Variants in USP25 observed in about 807,000 individuals in gnomAD.
USP25 encodes the protein ubiquitin carboxyl-terminal hydrolase 25.
A neutral mutation model predicts 158.5 loss-of-function variants in USP25; 85 were observed. The ratio of observed to expected loss-of-function variants is 0.54; its 90% CI spans 0.45 to 0.64. The LOEUF is 0.64. Ranked by LOEUF, USP25 falls within the 30% of genes least tolerant of loss-of-function variation. USP25 has a pLI of 0.00. For missense variants in USP25, 1,242 were observed against 1,327.3 expected, an observed-to-expected ratio of 0.94 and a Z score of 1.00; for synonymous variants, 464 against 460.4, an observed-to-expected ratio of 1.01 and a Z score of -0.10.
chr21:15,859,297 A>G (rs928354573), intron 20 of USP25, among the ~76,000 whole-genome samples: 10 of 151,246 alleles, frequency 6.6e-5, no homozygotes, highest in African/African-American at 2.4e-4. Flanking sequence ...GGTTCACGCC[A>G]TTCTCCTGCC....
chr21:15,766,087 AC>A lies in USP25; in HGVS notation c.215del (p.Thr72LysfsTer20). On this transcript the variant is annotated frameshift_variant, in exon 3 of 26. Transcript: ENST00000400183. LOFTEE classifies it high-confidence loss of function. The surrounding 1 kb of genome is among the most constrained non-coding windows in gnomAD (Gnocchi z 4.0). ...GCAGGAGGAGACAACTTACTACCAA[AC>A]AGCACTTCCTGGCAATGATAGATAC... ...PQQEETTYYQTALPGNDRYIS... is the reference protein window; with the variant it reads ...PQQEETTYYQXALPGNDRYIS... The A allele has an allele frequency of 6.2e-7, 1 of 1,610,856 alleles. No homozygotes were observed. Among genetic ancestry groups the A allele is most frequent in the Non-Finnish European group, 8.5e-7 (1 of 1,178,372 alleles).
chr21:15,831,279 C>G (rs1480831986), intron 15 of USP25, 122 bp from the exon 16 acceptor site: 7 of 853,344 alleles, frequency 8.2e-6, no homozygotes, highest in Non-Finnish European at 1.3e-5. Flanking sequence ...CCAGTTCTCT[C>G]TCATTTAAAA....
chr21:15,853,663 CATT>C (rs2038998787), intron 20 of USP25, among the ~76,000 whole-genome samples: 1 of 152,084 alleles, frequency 6.6e-6, no homozygotes, highest in African/African-American at 2.4e-5. Flanking sequence ...CTGTTTAACT[CATT>C]AGCATTTTAT....
intron 4 of USP25, among the ~76,000 whole-genome samples, chr21:15,782,802 A>G (rs1388305077): frequency 6.6e-6 from 1 of 152,186 alleles, no homozygotes; most frequent in East Asian, 1.9e-4. Flanking sequence ...GCAATTGTCC[A>G]TTACATGCAC....
chr21:15,821,553 A>G (rs2037237443), intron 10 of USP25, among the ~76,000 whole-genome samples: 2 of 151,960 alleles, frequency 1.3e-5, no homozygotes, highest in South Asian at 4.1e-4. Flanking sequence ...AAGCTTTAAA[A>G]ACAAAATTAG....
chr21:15,752,257 C>T (rs2033074955), intron 1 of USP25, among the ~76,000 whole-genome samples: 1 of 150,470 alleles, frequency 6.6e-6, no homozygotes, highest in Non-Finnish European at 1.5e-5. Flanking sequence ...TCGCTGTTGC[C>T]CAGGCTGGAG....
chr21:15,816,808 C>T lies in USP25; in HGVS notation c.932-1890C>T, dbSNP rs931711436. Among the ~76,000 whole-genome samples, 32 of 151,946 alleles carry T rather than the reference C, an allele frequency of 2.1e-4. No individual in the cohort carries two copies. The highest frequency in any genetic ancestry group is 1.5e-4 in the Non-Finnish European group (10 of 67,992). ...CCTCAAAACTAAAGAAAAAAAAAATCCTGTGTTCTTACTTAAGTGGTGCCA... is the reference window on the plus strand; with the variant it reads ...CCTCAAAACTAAAGAAAAAAAAAATTCTGTGTTCTTACTTAAGTGGTGCCA... On this transcript the variant is annotated intron_variant, in intron 9 of 25. Coordinates refer to ENST00000400183, the MANE Select transcript of USP25 (RefSeq NM_001283041.3). The surrounding 1 kb of genome is among the most constrained non-coding windows in gnomAD (Gnocchi z 4.0).
At chr21:15,834,976 T>A (rs898597331) in intron 17 of USP25, among the ~76,000 whole-genome samples, 1 of 152,246 alleles carries the variant, frequency 6.6e-6, no homozygotes, top group African/African-American at 2.4e-5. Context: ...ATAGTTCCTT[T>A]CATTTTTAAA....
At chr21:15,878,141 G>T in intron 25 of USP25, 150 bp downstream of exon 25, 1 of 1,079,122 alleles carries the variant, frequency 9.3e-7, no homozygotes, top group Non-Finnish European at 1.3e-6. Context: ...TTTCCATATT[G>T]ATGAACTAAG....
In USP25 at chr21:15,847,524, G is replaced by A. The variant is rs145634660; in HGVS notation, c.2338-139G>A. On this transcript the variant is annotated intron_variant, in intron 18 of 25. Coordinates refer to ENST00000400183, the MANE Select transcript of USP25 (RefSeq NM_001283041.3). ...GCTTAAACAGTTTAATAGTGCATGTGCGTTGGAACTTTTAAAAATAAGTCA... is the reference window on the plus strand; with the variant it reads ...GCTTAAACAGTTTAATAGTGCATGTACGTTGGAACTTTTAAAAATAAGTCA... 1.0e-5 allele frequency: 6 copies of A among 580,074 alleles called. No homozygotes were observed. The Admixed American group carries it at 1.4e-4, about 13-fold the overall frequency. 35.9% of individuals were successfully genotyped at this position (580,074 alleles called of 1,614,324 possible). A position where few individuals can be genotyped will look rare whatever the true frequency, so the allele number is the denominator to read the frequency against.
chr21:15,763,331 G>C (rs1260586433), intron 2 of USP25, among the ~76,000 whole-genome samples: 1 of 152,110 alleles, frequency 6.6e-6, no homozygotes, highest in Non-Finnish European at 1.5e-5. Flanking sequence ...AGGTGTAAGA[G>C]AAGGGAAAAG....
chr21:15,851,943 T>G (rs192614261), intron 20 of USP25, among the ~76,000 whole-genome samples: 157 of 152,254 alleles, frequency 1.0e-3, no homozygotes, highest in African/African-American at 3.6e-3. Flanking sequence ...CTTTATTGGT[T>G]TGCTCTATGA....
At chr21:15,862,901 T>C (rs573970007) in intron 20 of USP25, among the ~76,000 whole-genome samples, 1 of 152,146 alleles carries the variant, frequency 6.6e-6, no homozygotes, top group African/African-American at 2.4e-5. Context: ...TCATTTAATG[T>C]TTATCAGTTA....
intron 9 of USP25, among the ~76,000 whole-genome samples, chr21:15,814,776 C>T (rs1051758642): frequency 6.6e-6 from 1 of 152,066 alleles, no homozygotes. Context: ...GAAAGGGAAA[C>T]AGAGCATAAA....
intron 1 of USP25, among the ~76,000 whole-genome samples, chr21:15,741,316 C>A (rs2032038234): frequency 6.7e-6 from 1 of 149,586 alleles, no homozygotes; most frequent in African/African-American, 2.5e-5. Context: ...GTTTTTTGAC[C>A]CATATATAAT....
chr21:15,846,880 A>C (rs1411911798), intron 18 of USP25, among the ~76,000 whole-genome samples: 2 of 152,192 alleles, frequency 1.3e-5, no homozygotes, highest in Admixed American at 6.5e-5. Flanking sequence ...TGAATTTTAC[A>C]CTGACTTCTG....
intron 17 of USP25, among the ~76,000 whole-genome samples, 186 bp downstream of exon 17, chr21:15,833,734 A>G (rs1414697398): frequency 6.6e-6 from 1 of 152,206 alleles, no homozygotes. Flanking sequence ...ACCACTGTAT[A>G]TATTTATATG....
In USP25 at chr21:15,878,468, G is replaced by C. The variant is rs755507749; in HGVS notation, c.3371G>C (p.Gly1124Ala). 3.1e-6 allele frequency: 5 copies of C among 1,613,728 alleles called. No individual in the cohort carries two copies. In the Admixed American group the frequency reaches 5.0e-5, roughly 16 times the overall value. ...TCCCTCAGTCGAACTCCTGCTGATG[G>C]AAGATAAACTGCACACTTTCCCTGA... ...MLSLSRTPAD[G>A]R The change falls in exon 26 of 26, where the codon GGA (glycine) becomes GCA (alanine). Residue 1124 changes from glycine to alanine, a missense_variant. Physicochemically the swap from Gly to Ala is moderately conservative, Grantham distance 60. Coordinates refer to ENST00000400183, the MANE Select transcript of USP25 (RefSeq NM_001283041.3).
At chr21:15,778,448 G>A (rs984186115) in intron 4 of USP25, among the ~76,000 whole-genome samples, 24 of 152,082 alleles carry the variant, frequency 1.6e-4, no homozygotes, top group African/African-American at 5.8e-4. Context: ...TAACGCAAAA[G>A]CAGCTATAGC....
Sources: gnomAD v4.1 joint callset for allele counts (sites outside exome capture counted in the v4.1 genomes callset) on GRCh38, gnomAD v4.1.1 for gene constraint, Gnocchi (gnomAD v3.1) non-coding constraint, MANE v1.5 for transcripts, NCBI Gene and HGNC (gene_info 2026-07-23, HGNC 2026-07-21) for gene names.